KIN: variants seen among roughly 807,000 people sequenced by gnomAD.
KIN encodes the protein DNA/RNA-binding protein KIN17.
KIN carries 47 observed loss-of-function variants against 63.0 expected under a neutral mutation model. The ratio of observed to expected loss-of-function variants is 0.75; its 90% confidence interval spans 0.59 to 0.95. The LOEUF (loss-of-function observed/expected upper bound fraction) is 0.95. Ranked by LOEUF, KIN falls within the 40% of genes least tolerant of loss-of-function variation. The pLI, the probability that KIN is intolerant of heterozygous loss-of-function variation, is 0.00. For synonymous variants in KIN, 160 were observed against 157.7 expected (o/e 1.01, Z -0.11); for missense variants, 408 against 460.9 (o/e 0.89, Z 1.05).
rs1467836671 is a variant in KIN, at chr10:7,752,465, A to G, written c.*3615T>C. 6 of 152,238 alleles carry G rather than the reference A, an allele frequency of 3.9e-5. No homozygotes were observed. The allele number at this position is 152,238 out of a possible 1,614,324, so 9.4% of individuals were successfully genotyped here. On this transcript the variant is annotated 3_prime_UTR_variant, in exon 13 of 13. Coordinates refer to ENST00000379562, the MANE Select transcript of KIN (RefSeq NM_012311.4). Reference sequence around the variant, plus strand: ...TGCAGAGCAGCAGGAACTCTCATTCACTGCTCGTTTGAATACAAAATGGTA... The same window carrying G: ...TGCAGAGCAGCAGGAACTCTCATTCGCTGCTCGTTTGAATACAAAATGGTA...
intron 5 of KIN, 79 bp from the exon 6 acceptor site, chr10:7,775,878 C>T (rs1195472799): frequency 2.5e-6 from 2 of 788,514 alleles, no homozygotes; most frequent in East Asian, 2.7e-5. Context: ...TTATGACTTG[C>T]TACCTGTGTT....
Position 7,765,945 on chromosome 10 carries a change from A to G in KIN, c.849+108T>C, listed in dbSNP as rs545118046. 2,838 of 700,020 alleles carry G rather than the reference A, an allele frequency of 4.1e-3. 12 individuals are homozygous for G. Among genetic ancestry groups the G allele is most frequent in the Non-Finnish European group, 4.7e-3 (1,935 of 411,838 alleles). 43.4% of individuals were successfully genotyped at this position (700,020 alleles called of 1,614,324 possible). On this transcript the variant is annotated intron_variant, in intron 9 of 12. Coordinates refer to ENST00000379562, the MANE Select transcript of KIN (RefSeq NM_012311.4). ...TTATAAGTTATAACTAACTCTATCT[A>G]TATAGATTATACGTGTTTGAAAAGT...
chr10:7,756,551 C>G (rs1835336399), intron 12 of KIN, among the ~76,000 whole-genome samples: 1 of 152,138 alleles, frequency 6.6e-6, no homozygotes, highest in African/African-American at 2.4e-5. Flanking sequence ...CTTTTGCCTG[C>G]CCAGTGCACA....
Position 7,777,160 on chromosome 10 carries a change from G to A in KIN, c.559-1361C>T, listed in dbSNP as rs12241565. Reference sequence around the variant, plus strand: ...AGCAGCTTTTCTATGCCAAACTGCAGAAGTTTACCTATATTTTTATTTCTA... The same window carrying A: ...AGCAGCTTTTCTATGCCAAACTGCAAAAGTTTACCTATATTTTTATTTCTA... On this transcript the variant is annotated intron_variant, in intron 5 of 12. Coordinates refer to ENST00000379562, the MANE Select transcript of KIN (RefSeq NM_012311.4). 2.7e-5 allele frequency among the ~76,000 whole-genome samples: 4 copies of A among 150,338 alleles called. No homozygotes were observed. In the East Asian group the frequency reaches 7.8e-4, roughly 29 times the overall value.
intron 2 of KIN, among the ~76,000 whole-genome samples, chr10:7,781,614 A>ACACACACACACACACAC (rs1835897578): frequency 6.6e-6 from 1 of 151,438 alleles, no homozygotes; most frequent in African/African-American, 2.4e-5. Flanking sequence ...ACACACACAG[A>ACACACACACACACACAC]ATCAAAAAAT....
intron 6 of KIN, 53 bp downstream of exon 6, chr10:7,775,698 C>G: frequency 1.1e-6 from 1 of 939,416 alleles, no homozygotes; most frequent in Admixed American, 2.6e-5. Flanking sequence ...TTTAACAAAG[C>G]CAATATAAAA....
chr10:7,759,725 T>C (rs747629256), intron 12 of KIN, 165 bp downstream of exon 12: 7 of 446,026 alleles, frequency 1.6e-5, no homozygotes, highest in African/African-American at 4.1e-5. Flanking sequence ...TAAAATACTT[T>C]AGCAATGGCA....
At position 7,756,040 on chromosome 10, in the gene KIN, T is replaced by G; in HGVS notation, c.*40A>C. ...AATGCCTTGGCGAACACCAATTTGA[T>G]GCTTTAAGATTTTAATGTATTGTTA... On this transcript the variant is annotated 3_prime_UTR_variant, in exon 13 of 13. Transcript: ENST00000379562. 8.2e-7 allele frequency: 1 copy of G among 1,221,290 alleles called. No homozygotes were observed. The highest frequency in any genetic ancestry group is 1.2e-6 in the Non-Finnish European group (1 of 842,584). 75.7% of individuals were successfully genotyped at this position (1,221,290 alleles called of 1,614,324 possible). A position where few individuals can be genotyped will look rare whatever the true frequency, so the allele number is the denominator to read the frequency against.
chr10:7,776,812 G>A (rs975332711), intron 5 of KIN, among the ~76,000 whole-genome samples: 9 of 151,066 alleles, frequency 6.0e-5, no homozygotes, highest in Admixed American at 6.6e-5. Context: ...CACTTTGGGA[G>A]GTCGAGCTCA....
chr10:7,763,724 T>G lies in KIN; in HGVS notation c.917A>C (p.Lys306Thr). 1 of 1,471,730 alleles carries G rather than the reference T, an allele frequency of 6.8e-7. No homozygotes were observed. The highest frequency in any genetic ancestry group is 9.4e-7 in the Non-Finnish European group (1 of 1,063,540). 91.2% of individuals were successfully genotyped at this position (1,471,730 alleles called of 1,614,324 possible). Residue 306 changes from lysine (K) to threonine (T), a missense_variant and splice_region_variant, in exon 10 of 13, where the codon AAG (lysine) becomes ACG (threonine). Lys to Thr is a moderately conservative substitution (Grantham distance 78, BLOSUM62 -1). This residue lies in a region of KIN where 298 missense variants were observed against 296.0 expected (regional missense o/e 1.01). Transcript: ENST00000379562. ...EKYHKKKAIV[K>T]EVIDKYTAVV... is the part of the protein sequence containing the mutation. ...CCATTCATAATTGCACGTCCTTACC[T>G]TAACAATAGCCTTTTTCTTATGATA...
intron 5 of KIN, among the ~76,000 whole-genome samples, chr10:7,777,560 C>T (rs1250782427): frequency 1.3e-5 from 2 of 152,200 alleles, no homozygotes; most frequent in Admixed American, 6.5e-5. Context: ...GTTTCACATA[C>T]ACACCAGGCT....
chr10:7,762,661 A>G (rs1218676324), intron 10 of KIN, 105 bp from the exon 11 acceptor site: 1 of 583,666 alleles, frequency 1.7e-6, no homozygotes, highest in Non-Finnish European at 3.0e-6. Flanking sequence ...CAATCAAAAG[A>G]AAGAGTAACT....
At chr10:7,783,290 A>G (rs1346396338) in intron 1 of KIN, 115 bp from the exon 2 acceptor site, 16 of 483,864 alleles carry the variant, frequency 3.3e-5, no homozygotes, top group African/African-American at 8.0e-5. Context: ...TTAAAATATA[A>G]TCAAATCATT....
chr10:7,769,433 T>C (rs1835622577), intron 7 of KIN, 88 bp from the exon 8 acceptor site: 3 of 1,323,642 alleles, frequency 2.3e-6, no homozygotes, highest in Non-Finnish European at 2.1e-6. Flanking sequence ...ATAGAATAAA[T>C]GTGTGACATA....
At position 7,752,497 on chromosome 10, in the gene KIN, C is replaced by G. The variant is rs1176688786; in HGVS notation, c.*3583G>C. The G allele has an allele frequency of 6.6e-6, 1 of 152,220 alleles. No individual in the cohort carries two copies. The highest frequency in any genetic ancestry group is 6.5e-5 in the Admixed American group (1 of 15,272). 9.4% of individuals were successfully genotyped at this position (152,220 alleles called of 1,614,324 possible). ...GTTTGAATACAAAATGGTACAGTCACTCTGGAAGACAGGTTGGTAGTTTCT... is the reference window on the plus strand; with the variant it reads ...GTTTGAATACAAAATGGTACAGTCAGTCTGGAAGACAGGTTGGTAGTTTCT... On this transcript the variant is annotated 3_prime_UTR_variant, in exon 13 of 13. Transcript: ENST00000379562.
At chr10:7,773,525 A>G (rs1835707895) in intron 7 of KIN, among the ~76,000 whole-genome samples, 1 of 152,256 alleles carries the variant, frequency 6.6e-6, no homozygotes, top group Non-Finnish European at 1.5e-5. Context: ...ACCCAGATGT[A>G]GAACCCAAAT....
intron 2 of KIN, 44 bp downstream of exon 2, chr10:7,783,037 A>C (rs768219906): frequency 3.0e-6 from 3 of 1,000,720 alleles, no homozygotes; most frequent in Non-Finnish European, 3.0e-6. Flanking sequence ...TAAATGTTCA[A>C]CTGAATAAAG....
At chr10:7,756,360 T>C (rs1835333098) in intron 12 of KIN, among the ~76,000 whole-genome samples, 1 of 152,234 alleles carries the variant, frequency 6.6e-6, no homozygotes, top group African/African-American at 2.4e-5. Context: ...ACATACGTTA[T>C]CAATAGACAT....
rs972717183 is a variant in KIN at position 7,751,663 on chromosome 10, C to G, written c.*4417G>C. On this transcript the variant is annotated 3_prime_UTR_variant, in exon 13 of 13. Coordinates refer to ENST00000379562, the MANE Select transcript of KIN (RefSeq NM_012311.4). The stretch of plus-strand genomic sequence containing the variant: ...CACCTATGATACCCTTTTGAAAAAC[C>G]TACTGCATCTTTTCCATTTCCTATT... 6.6e-6 allele frequency: 1 copy of G among 152,034 alleles called. No homozygotes were observed. Among genetic ancestry groups the G allele is most frequent in the Admixed American group, 6.6e-5 (1 of 15,256 alleles). The allele number at this position is 152,034 out of a possible 1,614,324, so 9.4% of individuals were successfully genotyped here.
Sources: allele counts gnomAD v4.1 joint callset (sites outside exome capture counted in the v4.1 genomes callset), GRCh38; gene constraint gnomAD v4.1.1; regional missense constraint gnomAD v4.1.1; transcripts MANE v1.5; gene names NCBI Gene and HGNC (gene_info 2026-07-23, HGNC 2026-07-21).